SKAP2: variants seen among roughly 807,000 people sequenced by gnomAD.
The protein encoded by SKAP2 is src kinase associated phosphoprotein 2.
A neutral mutation model predicts 54.9 loss-of-function variants in SKAP2; 28 were observed. The observed-to-expected ratio is 0.51, with a 90% CI of 0.38 to 0.70. SKAP2 has a LOEUF of 0.70. Ranked by LOEUF, SKAP2 falls within the 30% of genes least tolerant of loss-of-function variation. SKAP2 has a pLI of 0.00. For missense variants in SKAP2, 356 were observed against 424.1 expected (o/e 0.84, Z 1.41); for synonymous variants, 137 against 134.3 (o/e 1.02, Z -0.14).
chr7:26,708,342 T>C (rs1787214761), intron 9 of SKAP2, among the ~76,000 whole-genome samples: 1 of 152,190 alleles, frequency 6.6e-6, no homozygotes, highest in African/African-American at 2.4e-5. Context: ...CCACTTCCTT[T>C]GGAAAGTCTT....
At chr7:26,690,386 C>T (rs772885422) in intron 9 of SKAP2, 24 bp from the exon 10 acceptor site, 4 of 1,491,484 alleles carry the variant, frequency 2.7e-6, no homozygotes, top group African/African-American at 1.4e-5. Context: ...TTATCAATGG[C>T]ACATTGAAGG....
downstream of SKAP2, among the ~76,000 whole-genome samples, chr7:26,666,296 A>G (rs560210217): frequency 2.6e-5 from 4 of 152,282 alleles, no homozygotes; most frequent in African/African-American, 9.6e-5. Flanking sequence ...CAACATGTAT[A>G]TTAGGGTTAA....
intron 3 of SKAP2, 72 bp from the exon 4 acceptor site, chr7:26,844,209 T>A: frequency 1.1e-6 from 1 of 877,560 alleles, no homozygotes; most frequent in Non-Finnish European, 1.9e-6. Flanking sequence ...TACTTAATGT[T>A]AATGTTACTT....
intron 4 of SKAP2, among the ~76,000 whole-genome samples, chr7:26,755,934 C>A (rs1314246698): frequency 5.9e-5 from 9 of 152,128 alleles, no homozygotes; most frequent in African/African-American, 2.2e-4. Context: ...ATCTACCCTA[C>A]AAATTAAAAT....
At chr7:26,676,032 A>G (rs1324965331) in intron 11 of SKAP2, among the ~76,000 whole-genome samples, 1 of 152,192 alleles carries the variant, frequency 6.6e-6, no homozygotes, top group Admixed American at 6.5e-5. Flanking sequence ...TAGAATGGAA[A>G]ATCTCCTGGT....
intron 4 of SKAP2, among the ~76,000 whole-genome samples, chr7:26,751,811 G>A (rs1012974256): frequency 5.9e-5 from 9 of 151,670 alleles, no homozygotes; most frequent in African/African-American, 2.2e-4. Context: ...GCATTTCCCA[G>A]GCATTTGTAC....
chr7:26,724,661 A>AT (rs1291962353), intron 9 of SKAP2, among the ~76,000 whole-genome samples: 1 of 152,016 alleles, frequency 6.6e-6, no homozygotes, highest in Admixed American at 6.6e-5. Flanking sequence ...CTAACTACTG[A>AT]TTTTTTAATA....
intron 1 of SKAP2, chr7:26,857,632 AACGC>A: frequency 1.0e-6 from 1 of 985,392 alleles, no homozygotes; most frequent in Non-Finnish European, 1.2e-6. Flanking sequence ...CCCTCTGAGA[AACGC>A]ACTTCAGCGT....
chr7:26,801,323 C>T (rs925601309), intron 4 of SKAP2, among the ~76,000 whole-genome samples: 11 of 152,018 alleles, frequency 7.2e-5, no homozygotes, highest in Non-Finnish European at 1.2e-4. Flanking sequence ...ATGACAAAAA[C>T]GCTTTAAAAA....
intron 9 of SKAP2, among the ~76,000 whole-genome samples, chr7:26,699,323 A>C (rs188090987): frequency 6.6e-6 from 1 of 152,334 alleles, no homozygotes; most frequent in East Asian, 1.9e-4. Flanking sequence ...CAATAAACTG[A>C]ATGTAGAAGC....
intron 9 of SKAP2, among the ~76,000 whole-genome samples, chr7:26,711,312 C>T (rs1382799543): frequency 6.6e-6 from 1 of 152,076 alleles, no homozygotes; most frequent in Non-Finnish European, 1.5e-5. Flanking sequence ...TTTCATATAT[C>T]TGTTCCTCTT....
chr7:26,686,933 T>G (rs1187769745), intron 10 of SKAP2, among the ~76,000 whole-genome samples: 1 of 152,006 alleles, frequency 6.6e-6, no homozygotes, highest in Non-Finnish European at 1.5e-5. Context: ...TCCAAAAAAG[T>G]GGAAGAAACA....
chr7:26,753,284 T>A (rs1317768279), intron 4 of SKAP2, among the ~76,000 whole-genome samples: 1 of 152,174 alleles, frequency 6.6e-6, no homozygotes, highest in Non-Finnish European at 1.5e-5. Context: ...AAGGGGATCA[T>A]AAGGCAGTGT....
At chr7:26,693,355 A>G (rs947718364) in intron 9 of SKAP2, among the ~76,000 whole-genome samples, 7 of 139,912 alleles carry the variant, frequency 5.0e-5, no homozygotes, top group Non-Finnish European at 1.1e-4. Context: ...AAAAAAAAAG[A>G]GACTGTGGGA....
the SKAP2 span, among the ~76,000 whole-genome samples, chr7:26,655,271 T>G: frequency 6.6e-6 from 1 of 152,208 alleles, no homozygotes; most frequent in Non-Finnish European, 1.5e-5. Flanking sequence ...GACACTAGTA[T>G]CTACTGTACA....
At chr7:26,738,774 A>AT in intron 6 of SKAP2, 21 bp downstream of exon 6, 1 of 1,420,512 alleles carries the variant, frequency 7.0e-7, no homozygotes, top group Non-Finnish European at 9.9e-7. Context: ...AGTAGTTGAT[A>AT]TAATTGAACA....
chr7:26,696,096 A>G (rs2127943977), intron 9 of SKAP2, among the ~76,000 whole-genome samples: 1 of 152,332 alleles, frequency 6.6e-6, no homozygotes, highest in Admixed American at 6.5e-5. Context: ...CAGCAAGGGA[A>G]AGTGAGCTCC....
chr7:26,775,384 T>G (rs1415279200), intron 4 of SKAP2, among the ~76,000 whole-genome samples: 1 of 152,208 alleles, frequency 6.6e-6, no homozygotes, highest in African/African-American at 2.4e-5. Context: ...CATGCATTTC[T>G]CAGAAATAAT....
chr7:26,794,297 T>A (rs1007905726), intron 4 of SKAP2, among the ~76,000 whole-genome samples: 9 of 152,246 alleles, frequency 5.9e-5, no homozygotes, highest in African/African-American at 1.9e-4. Flanking sequence ...GTAGACACCC[T>A]GATAGCAATA....
Sources: allele counts gnomAD v4.1 joint callset (sites outside exome capture counted in the v4.1 genomes callset), GRCh38; gene constraint gnomAD v4.1.1; transcripts MANE v1.5; gene names NCBI Gene and HGNC (gene_info 2026-07-23, HGNC 2026-07-21).